IPO5: variants seen among roughly 807,000 people sequenced by gnomAD.
IPO5 encodes the protein importin 5.
Under a neutral mutation model 143.3 loss-of-function variants are expected in IPO5, and 18 were observed. The ratio of observed to expected loss-of-function variants is 0.13; its 90% confidence interval spans 0.09 to 0.19. IPO5 has a LOEUF of 0.19. Among genes scored for constraint, IPO5 ranks in the 10% least tolerant of loss-of-function variants. The probability of loss-of-function intolerance (pLI) is 1.00; values close to 1 mark genes in which losing one functional copy is unlikely to be tolerated. For missense variants in IPO5, 1,013 were observed against 1,336.9 expected (o/e 0.76, Z 3.78); for synonymous variants, 477 against 465.7 (o/e 1.02, Z -0.31).
rs767234899 is a variant in IPO5 at position 97,990,173 on chromosome 13, T to C, written c.515T>C (p.Val172Ala). 6.2e-7 allele frequency: 1 copy of C among 1,613,448 alleles called. No homozygotes were observed. The highest frequency in any genetic ancestry group is 8.5e-7 in the Non-Finnish European group (1 of 1,179,498). The change falls in exon 8 of 29, where the codon GTC becomes GCC. Residue 172 changes from valine to alanine, a missense_variant. Physicochemically the swap from Val to Ala is moderately conservative, Grantham distance 64. Coordinates refer to ENST00000651721, the MANE Select transcript of IPO5 (RefSeq NM_002271.6). Reference sequence around the variant, plus strand: ...AACCAGCAACAACACTATTTAGATGTCATCAAACGAATGTTAGTTCAGTGT... The same window carrying C: ...AACCAGCAACAACACTATTTAGATGCCATCAAACGAATGTTAGTTCAGTGT... ...FGNQQQHYLD[V>A]IKRMLVQCMQ... is the part of the protein sequence containing the mutation.
intron 2 of IPO5, among the ~76,000 whole-genome samples, chr13:97,962,731 A>G (rs1884992450): frequency 6.6e-6 from 1 of 151,944 alleles, no homozygotes; most frequent in African/African-American, 2.4e-5. Context: ...AGGCACAAGA[A>G]TCACTTGAGC....
Position 98,018,648 on chromosome 13 carries a change from A to G in IPO5, c.2780A>G (p.Tyr927Cys). The change falls in exon 26 of 29, where the codon TAT (tyrosine) becomes TGT (cysteine). Residue 927 changes from tyrosine to cysteine, a missense_variant. By Grantham distance (194) the Tyr-to-Cys change is radical. Transcript: ENST00000651721. ...CCAGAAGTCAGGCAAGCAGCTGCAT[A>G]TGGCCTGGGAGTCATGGCACAGTAC... ...NSPEVRQAAA[Y>C]GLGVMAQYGG... 2 of 1,614,200 alleles carry G rather than the reference A, an allele frequency of 1.2e-6. No homozygotes were observed. Among genetic ancestry groups the G allele is most frequent in the Non-Finnish European group, 1.7e-6 (2 of 1,180,024 alleles).
At chr13:98,006,867 T>G (rs1052004716) in intron 17 of IPO5, among the ~76,000 whole-genome samples, 4 of 126,868 alleles carry the variant, frequency 3.2e-5, no homozygotes, top group Admixed American at 2.3e-4. Context: ...TGGTTTGGTG[T>G]TTTTTTTTTT....
intron 3 of IPO5, among the ~76,000 whole-genome samples, chr13:97,974,508 C>A (rs1248672772): frequency 1.3e-5 from 2 of 151,902 alleles, no homozygotes; most frequent in African/African-American, 4.8e-5. Flanking sequence ...CGGGCTTTCA[C>A]CATGTTGGCC....
At chr13:98,006,520 G>A (rs1389113550) in intron 17 of IPO5, among the ~76,000 whole-genome samples, 172 bp downstream of exon 17, 3 of 150,842 alleles carry the variant, frequency 2.0e-5, no homozygotes, top group Non-Finnish European at 3.0e-5. Flanking sequence ...GACTACAGAC[G>A]CCCGCCACCA....
chr13:97,982,615 C>T (rs774196637), intron 5 of IPO5, 32 bp downstream of exon 5: 16 of 1,314,358 alleles, frequency 1.2e-5, no homozygotes, highest in Non-Finnish European at 1.6e-5. Context: ...CTATTACATT[C>T]TTAGAAAATA....
rs145817156 is a variant in IPO5 at position 97,990,441 on chromosome 13, G to A, written c.573G>A (p.Thr191=). The A allele has an allele frequency of 9.6e-4, 1,534 of 1,596,650 alleles. 25 individuals are homozygous for A. The East Asian group carries it at 0.017, about 18-fold the overall frequency. The change falls in exon 9 of 29, where the codon ACG becomes ACA. Residue 191 remains threonine, a synonymous_variant. Transcript: ENST00000651721. The stretch of plus-strand genomic sequence containing the variant: ...TTTCCTCTTGATTTTAGATCAGGAC[G>A]TTATCTGCTAGAGCTACAGCTGCAT... ...MQDQEHPSIR[T]LSARATAAFI... is the part of the protein sequence containing the mutation.
At chr13:97,991,148 T>C (rs996217551) in intron 9 of IPO5, among the ~76,000 whole-genome samples, 33 of 152,280 alleles carry the variant, frequency 2.2e-4, no homozygotes, top group Middle Eastern at 3.4e-3. Context: ...TGGCAATCTT[T>C]TAGTAATTTT....
chr13:97,993,011 A>C lies in IPO5; in HGVS notation c.789A>C (p.Leu263=). Residue 263 remains leucine (L), a synonymous_variant, in exon 10 of 29, where the codon CTA becomes CTC. Transcript: ENST00000651721. ...TGGAAGCAACTCTACAGCTAAGTCTAAAGGTAAATTAAGTACGTTAGTAAA... is the reference window on the plus strand; with the variant it reads ...TGGAAGCAACTCTACAGCTAAGTCTCAAGGTAAATTAAGTACGTTAGTAAA... ...PHLEATLQLS[L]KLCGDTSLNN... The C allele has an allele frequency of 1.2e-6, 2 of 1,613,270 alleles. No individual in the cohort carries two copies. Among genetic ancestry groups the C allele is most frequent in the Admixed American group, 1.7e-5 (1 of 59,978 alleles).
At chr13:98,011,504 C>T (rs566555457) in intron 20 of IPO5, among the ~76,000 whole-genome samples, 25 of 151,038 alleles carry the variant, frequency 1.7e-4, no homozygotes, top group Non-Finnish European at 3.2e-4. Flanking sequence ...GTTGGCCAGG[C>T]TGGTCTTGAA....
intron 6 of IPO5, among the ~76,000 whole-genome samples, chr13:97,986,336 C>T (rs1296154510): frequency 2.0e-5 from 3 of 151,764 alleles, no homozygotes; most frequent in East Asian, 1.9e-4. Context: ...TATACTGTTA[C>T]GTAGCTATAC....
At chr13:97,987,451 T>C (rs1210177767) in intron 6 of IPO5, among the ~76,000 whole-genome samples, 2 of 152,210 alleles carry the variant, frequency 1.3e-5, no homozygotes, top group Non-Finnish European at 2.9e-5. Flanking sequence ...GCTAGCAGAT[T>C]GTATCCTTTC....
At chr13:97,955,571 TA>T (rs1302435581) in intron 2 of IPO5, among the ~76,000 whole-genome samples, 1 of 152,192 alleles carries the variant, frequency 6.6e-6, no homozygotes, top group Non-Finnish European at 1.5e-5. Flanking sequence ...CAAGCAAGCC[TA>T]AGTGGCCTGT....
chr13:97,996,803 AG>A (rs1399520364), intron 11 of IPO5, among the ~76,000 whole-genome samples: 1 of 152,064 alleles, frequency 6.6e-6, no homozygotes, highest in Non-Finnish European at 1.5e-5. Flanking sequence ...CATGTTAGCC[AG>A]GATGGTCTCG....
chr13:97,990,655 G>A (rs1887732227), intron 9 of IPO5, 118 bp downstream of exon 9: 3 of 569,204 alleles, frequency 5.3e-6, no homozygotes, highest in East Asian at 6.3e-5. Context: ...GCATACAGCA[G>A]TGAACAAAAC....
Position 97,971,557 on chromosome 13 carries a change from T to A in IPO5, c.-5+1727T>A, listed in dbSNP as rs183284667. 3.3e-3 allele frequency among the ~76,000 whole-genome samples: 499 copies of A among 152,316 alleles called. 3 individuals carry two copies. The highest frequency in any genetic ancestry group is 0.011 in the African/African-American group (464 of 41,550). On this transcript the variant is annotated intron_variant, in intron 3 of 28. Transcript: ENST00000651721. ...ATCCATTCCATACACTATTTCACTC[T>A]GCACAATTGGGAGACTAATAGAAAA... is the stretch of plus-strand genomic sequence containing the variant.
rs568589408 is a variant in IPO5, at chr13:98,006,356, ATTTTTTTTTTTTTTTTTTTTTT to A, written c.1716+23_1716+44del. The stretch of plus-strand genomic sequence containing the variant: ...GCTGTTGGGAAGGAAAAAGTAAGTA[ATTTTTTTTTTTTTTTTTTTTTT>A]TTTTTTTTTTTTTTGAGACAGAGTC... On this transcript the variant is annotated intron_variant, in intron 17 of 28. Transcript: ENST00000651721. 1.6e-4 allele frequency: 88 copies of A among 556,870 alleles called. No homozygotes were observed. The highest frequency in any genetic ancestry group is 4.6e-4 in the African/African-American group (8 of 17,300). 34.5% of individuals were successfully genotyped at this position (556,870 alleles called of 1,614,324 possible).
Position 97,988,865 on chromosome 13 carries a change from C to CT in IPO5, c.365-184dup, listed in dbSNP as rs35403275. ...TGTTTGGTTTGTTGGTTTGTTTGGT[C>CT]TTTTTTTTTTTTTAACATGATTGTG... On this transcript the variant is annotated intron_variant, in intron 6 of 28. Coordinates refer to ENST00000651721, the MANE Select transcript of IPO5 (RefSeq NM_002271.6). Among the ~76,000 whole-genome samples, 207 of 141,836 alleles carry CT rather than the reference C, an allele frequency of 1.5e-3. 1 individual carries two copies. Among genetic ancestry groups the CT allele is most frequent in the Admixed American group, 2.4e-3 (34 of 14,030 alleles). The allele number at this position is 141,836 out of a possible 152,430, so 93.0% of individuals were successfully genotyped here.
chr13:97,969,171 A>ATTTTTTTTTT (rs1566454683), intron 2 of IPO5, among the ~76,000 whole-genome samples: 10 of 71,226 alleles, frequency 1.4e-4, no homozygotes, highest in African/African-American at 5.8e-4. Flanking sequence ...ATATATATAT[A>ATTTTTTTTTT]TATATTTTTT....
Sources: gnomAD v4.1 joint callset for allele counts (sites outside exome capture counted in the v4.1 genomes callset) on GRCh38, gnomAD v4.1.1 for gene constraint, MANE v1.5 for transcripts, NCBI Gene and HGNC (gene_info 2026-07-23, HGNC 2026-07-21) for gene names.